Variants in PBX1 observed in about 807,000 individuals in gnomAD.
The protein encoded by PBX1 is pre-B-cell leukemia transcription factor 1.
A neutral mutation model predicts 53.4 loss-of-function variants in PBX1; 6 were observed. The ratio of observed to expected loss-of-function variants is 0.11; its 90% confidence interval spans 0.06 to 0.22. PBX1 has a LOEUF of 0.22. Among genes scored for constraint, PBX1 ranks in the 10% least tolerant of loss-of-function variants. The probability of loss-of-function intolerance (pLI) is 1.00; values close to 1 mark genes in which losing one functional copy is unlikely to be tolerated. For missense variants in PBX1, 251 were observed against 551.4 expected, an observed-to-expected ratio of 0.46 and a Z score of 5.46; for synonymous variants, 204 against 212.3, an observed-to-expected ratio of 0.96 and a Z score of 0.34.
In PBX1 at chr1:164,849,364, G is replaced by A; in HGVS notation, c.*2688G>A. On this transcript the variant is annotated 3_prime_UTR_variant, in exon 9 of 9. Transcript: ENST00000420696. ...GCACCTCCCCCGGCACCCCCGGCAA[G>A]CCCACTATCACTTCCGACTTCCAAC... The A allele has an allele frequency of 6.5e-7, 1 of 1,535,644 alleles. No individual in the cohort carries two copies. The highest frequency in any genetic ancestry group is 8.7e-7 in the Non-Finnish European group (1 of 1,146,788).
chr1:164,840,138 G>A (rs1671223437), intron 8 of PBX1, among the ~76,000 whole-genome samples: 1 of 152,158 alleles, frequency 6.6e-6, no homozygotes, highest in Non-Finnish European at 1.5e-5. Context: ...CATAAGCTTG[G>A]TAGAGATGGT....
rs553188929 is a variant in PBX1 at position 164,712,773 on chromosome 1, G to A, written c.266-79721G>A. On this transcript the variant is annotated intron_variant, in intron 2 of 8. Transcript: ENST00000420696. ...GTTTCCTGGCCTGGTGTGTGGGCCCGTTGCCTGTTCCGTTCAGCGTCTCCG... is the reference window on the plus strand; with the variant it reads ...GTTTCCTGGCCTGGTGTGTGGGCCCATTGCCTGTTCCGTTCAGCGTCTCCG... Among the ~76,000 whole-genome samples, 27 of 152,290 alleles carry A rather than the reference G, an allele frequency of 1.8e-4. No individual in the cohort carries two copies. The South Asian group carries it at 3.3e-3, about 19-fold the overall frequency.
intron 2 of PBX1, among the ~76,000 whole-genome samples, chr1:164,732,741 C>T (rs1665065768): frequency 6.6e-6 from 1 of 152,092 alleles, no homozygotes; most frequent in Non-Finnish European, 1.5e-5. Context: ...ATCTGTCATG[C>T]CCTTTGATGT....
intron 2 of PBX1, among the ~76,000 whole-genome samples, chr1:164,749,269 C>T (rs960930610): frequency 6.6e-6 from 1 of 152,090 alleles, no homozygotes; most frequent in African/African-American, 2.4e-5. Context: ...CAATATATAT[C>T]TTGCTTATTC....
Position 164,847,879 on chromosome 1 carries a change from G to T in PBX1, c.*1203G>T. On this transcript the variant is annotated 3_prime_UTR_variant, in exon 9 of 9. Transcript: ENST00000420696. ...GATCATGAGGAAGACCAGGTTTCCA[G>T]TGTAAACTACTCTTGTTCCCACCAC... 2 of 1,055,102 alleles carry T rather than the reference G, an allele frequency of 1.9e-6. No homozygotes were observed. The highest frequency in any genetic ancestry group is 2.3e-6 in the Non-Finnish European group (2 of 872,864). 65.4% of individuals were successfully genotyped at this position (1,055,102 alleles called of 1,614,324 possible). A position where few individuals can be genotyped will look rare whatever the true frequency, so the allele number is the denominator to read the frequency against.
intron 8 of PBX1, 83 bp from the exon 9 acceptor site, chr1:164,846,501 C>G: frequency 8.5e-7 from 1 of 1,175,944 alleles, no homozygotes. Context: ...AGGTCCTTTA[C>G]ACAAGATGCC....
intron 2 of PBX1, among the ~76,000 whole-genome samples, chr1:164,659,408 T>C (rs559660672): frequency 1.3e-5 from 2 of 152,352 alleles, no homozygotes; most frequent in East Asian, 3.9e-4. Context: ...GTAACTCTCC[T>C]CCCTCTATAT....
At position 164,834,976 on chromosome 1, in the gene PBX1, A is replaced by G. The variant is rs190188798; in HGVS notation, c.1201-11608A>G. 2.2e-3 allele frequency among the ~76,000 whole-genome samples: 337 copies of G among 152,344 alleles called. 2 individuals carry two copies. The highest frequency in any genetic ancestry group is 0.017 in the Middle Eastern group (5 of 292). ...AATTTGGAGAATTCAGGAAAACCAC[A>G]AAGAAGAAAATTTACTGTTAACTTT... On this transcript the variant is annotated intron_variant, in intron 8 of 8. Coordinates refer to ENST00000420696, the MANE Select transcript of PBX1 (RefSeq NM_002585.4).
intron 2 of PBX1, among the ~76,000 whole-genome samples, chr1:164,733,226 T>G (rs186820826): frequency 1.3e-5 from 2 of 152,308 alleles, no homozygotes; most frequent in East Asian, 3.9e-4. Context: ...ATCCCATCAC[T>G]CTCAGGGTGT....
intron 8 of PBX1, among the ~76,000 whole-genome samples, chr1:164,837,624 AAGT>A (rs1671103823): frequency 2.6e-5 from 4 of 152,200 alleles, no homozygotes; most frequent in African/African-American, 9.6e-5. Flanking sequence ...ATTCAGATAT[AAGT>A]AGAATTCTCT....
rs35903765 is a variant in PBX1, at chr1:164,712,177, T to TAAA, written c.266-80302_266-80300dup. The stretch of plus-strand genomic sequence containing the variant: ...GGAACCCAGGGAAGGAAGAAGAGAT[T>TAAA]AAAAAAAAAAAAAAAAAGCCCCACT... On this transcript the variant is annotated intron_variant, in intron 2 of 8. Coordinates refer to ENST00000420696, the MANE Select transcript of PBX1 (RefSeq NM_002585.4). Among the ~76,000 whole-genome samples, 359 of 128,974 alleles carry TAAA rather than the reference T, an allele frequency of 2.8e-3. 5 individuals carry two copies. Among genetic ancestry groups the TAAA allele is most frequent in the Middle Eastern group, 8.4e-3 (2 of 238 alleles). 84.6% of individuals were successfully genotyped at this position (128,974 alleles called of 152,430 possible). A position where few individuals can be genotyped will look rare whatever the true frequency, so the allele number is the denominator to read the frequency against.
chr1:164,844,115 C>CTT (rs773961576), intron 8 of PBX1, among the ~76,000 whole-genome samples: 26 of 61,094 alleles, frequency 4.3e-4, no homozygotes, highest in African/African-American at 1.2e-3. Context: ...TTCTTTCTTT[C>CTT]TTTTTTTTTT....
chr1:164,748,854 G>T (rs1481505217), intron 2 of PBX1, among the ~76,000 whole-genome samples: 2 of 152,106 alleles, frequency 1.3e-5, no homozygotes, highest in Non-Finnish European at 2.9e-5. Context: ...TGAGCACTGG[G>T]GCAGGAGCAG....
intron 2 of PBX1, among the ~76,000 whole-genome samples, chr1:164,648,604 A>G (rs2101915913): frequency 6.6e-6 from 1 of 152,294 alleles, no homozygotes; most frequent in Non-Finnish European, 1.5e-5. Flanking sequence ...TGTAAATAGT[A>G]GAGAAGGGGA....
intron 2 of PBX1, among the ~76,000 whole-genome samples, chr1:164,698,285 C>T (rs532073453): frequency 9.2e-5 from 14 of 152,166 alleles, no homozygotes; most frequent in Middle Eastern, 3.4e-3. Flanking sequence ...GACTGCTTTA[C>T]GATACAAAGT....
In PBX1 at chr1:164,846,629, T is replaced by A. The variant is rs1671580259; in HGVS notation, c.1246T>A (p.Ser416Thr). ...TGCTACTACCCCTTCATCAGTGACC[T>A]CCCCTACAGAAGGCCCTGGCAGTGT... ...QDATTPSSVT[S>T]PTEGPGSVHS... The change falls in exon 9 of 9, where the codon TCC (serine) becomes ACC (threonine). Residue 416 changes from serine (S) to threonine (T), a missense_variant. Transcript: ENST00000420696. 6.2e-7 allele frequency: 1 copy of A among 1,613,886 alleles called. No homozygotes were observed. The highest frequency in any genetic ancestry group is 8.5e-7 in the Non-Finnish European group (1 of 1,179,960).
chr1:164,872,976 A>C (rs2102456675), intron 2 of PBX1, among the ~76,000 whole-genome samples: 1 of 152,342 alleles, frequency 6.6e-6, no homozygotes, highest in Non-Finnish European at 1.5e-5. Context: ...TTTCTCCAAC[A>C]GACATTGGGC....
chr1:164,708,599 G>A (rs186723199), intron 2 of PBX1, among the ~76,000 whole-genome samples: 2 of 152,072 alleles, frequency 1.3e-5, no homozygotes, highest in East Asian at 1.9e-4. Flanking sequence ...CCATCTTTAC[G>A]TTCATGTATA....
At position 164,776,942 on chromosome 1, in the gene PBX1, GGA is replaced by G. The variant is rs377054240; in HGVS notation, c.266-15516_266-15515del. 5.5e-3 allele frequency among the ~76,000 whole-genome samples: 240 copies of G among 43,558 alleles called. 13 individuals carry two copies. The highest frequency in any genetic ancestry group is 0.023 in the African/African-American group (209 of 9,094). The allele number at this position is 43,558 out of a possible 152,430, so 28.6% of individuals were successfully genotyped here. On this transcript the variant is annotated intron_variant, in intron 2 of 8. Coordinates refer to ENST00000420696, the MANE Select transcript of PBX1 (RefSeq NM_002585.4). The stretch of plus-strand genomic sequence containing the variant: ...GTGTGTGTGTGTGTGTGTGGTGGGA[GGA>G]GAGAGAGAGAGAGAGAGAGAGAGAG...
Sources: allele counts gnomAD v4.1 joint callset (sites outside exome capture counted in the v4.1 genomes callset), GRCh38; gene constraint gnomAD v4.1.1; transcripts MANE v1.5; gene names NCBI Gene and HGNC (gene_info 2026-07-23, HGNC 2026-07-21).